Variants in PDSS2 observed in about 807,000 individuals in gnomAD.
PDSS2 encodes decaprenyl diphosphate synthase subunit 2, also known as all trans-polyprenyl-diphosphate synthase PDSS2.
Under a neutral mutation model 44.5 loss-of-function variants are expected in PDSS2, and 31 were observed. The observed-to-expected ratio is 0.70, with a 90% CI of 0.52 to 0.94. PDSS2 has a LOEUF of 0.94. Among genes scored for constraint, PDSS2 ranks in the 40% least tolerant of loss-of-function variants. PDSS2 has a pLI of 0.00. For synonymous variants in PDSS2, 157 were observed against 180.3 expected, an observed-to-expected ratio of 0.87 and a Z score of 1.03; for missense variants, 452 against 482.2, an observed-to-expected ratio of 0.94 and a Z score of 0.59.
chr6:107,322,927 C>G (rs185160221), intron 2 of PDSS2, among the ~76,000 whole-genome samples: 80 of 152,222 alleles, frequency 5.3e-4, no homozygotes, highest in South Asian at 6.2e-4. Flanking sequence ...GGGAGGATGC[C>G]AGGATTAGAG....
chr6:107,419,287 A>G (rs1189171086), intron 1 of PDSS2, among the ~76,000 whole-genome samples: 1 of 152,222 alleles, frequency 6.6e-6, no homozygotes, highest in East Asian at 1.9e-4. Context: ...GTGATAGTCT[A>G]TATTAGTTTA....
At chr6:107,285,956 A>C (rs1056556011) in intron 2 of PDSS2, among the ~76,000 whole-genome samples, 10 of 152,012 alleles carry the variant, frequency 6.6e-5, no homozygotes, top group Non-Finnish European at 1.3e-4. Context: ...CCTGACCAAC[A>C]TGGCAAAACC....
chr6:107,317,727 C>A (rs938985129), intron 2 of PDSS2, among the ~76,000 whole-genome samples: 1 of 152,160 alleles, frequency 6.6e-6, no homozygotes, highest in Admixed American at 6.5e-5. Flanking sequence ...ATGCAGATCA[C>A]CTTTTACCGT....
At chr6:107,299,602 A>T (rs1209507273) in intron 2 of PDSS2, among the ~76,000 whole-genome samples, 1 of 152,088 alleles carries the variant, frequency 6.6e-6, no homozygotes, top group Non-Finnish European at 1.5e-5. Context: ...CACCTCCTCC[A>T]TGCTGCTGTA....
chr6:107,191,616 A>AT (rs1248241163), intron 7 of PDSS2, among the ~76,000 whole-genome samples: 13 of 151,260 alleles, frequency 8.6e-5, no homozygotes, highest in East Asian at 1.9e-4. Flanking sequence ...AGACTCATCA[A>AT]TTTTTTTTTC....
intron 1 of PDSS2, among the ~76,000 whole-genome samples, chr6:107,412,388 G>C (rs868831930): frequency 6.6e-6 from 1 of 151,580 alleles, no homozygotes; most frequent in Non-Finnish European, 1.5e-5. Flanking sequence ...ACAGGCACCC[G>C]CCACCATGCC....
At chr6:107,326,069 A>C (rs1158191067) in intron 2 of PDSS2, among the ~76,000 whole-genome samples, 1 of 152,054 alleles carries the variant, frequency 6.6e-6, no homozygotes, top group Non-Finnish European at 1.5e-5. Flanking sequence ...AATACGGATA[A>C]AATACAATTA....
At chr6:107,400,939 C>G (rs1780088357) in intron 1 of PDSS2, among the ~76,000 whole-genome samples, 1 of 152,184 alleles carries the variant, frequency 6.6e-6, no homozygotes, top group Admixed American at 6.5e-5. Context: ...ATTGTGTCAG[C>G]AGATACTATA....
At chr6:107,203,193 C>T (rs1554253463) in intron 6 of PDSS2, among the ~76,000 whole-genome samples, 2 of 152,098 alleles carry the variant, frequency 1.3e-5, no homozygotes, top group Non-Finnish European at 2.9e-5. Flanking sequence ...TGTCAAGAAC[C>T]TAAGTTAAAC....
At chr6:107,321,285 G>A (rs913090466) in intron 2 of PDSS2, among the ~76,000 whole-genome samples, 4 of 152,182 alleles carry the variant, frequency 2.6e-5, no homozygotes, top group African/African-American at 9.7e-5. Context: ...GACGAGAAGT[G>A]CCTCAAAGGT....
At chr6:107,372,537 C>T (rs1439407302) in intron 1 of PDSS2, among the ~76,000 whole-genome samples, 6 of 152,172 alleles carry the variant, frequency 3.9e-5, no homozygotes, top group South Asian at 2.1e-4. Context: ...CTGCAAGCTC[C>T]GCCTCCCGGG....
intron 3 of PDSS2, among the ~76,000 whole-genome samples, chr6:107,255,770 T>C (rs2114853827): frequency 6.6e-6 from 1 of 152,314 alleles, no homozygotes; most frequent in Admixed American, 6.5e-5. Context: ...ACACAAGGTC[T>C]TCCAAATTTT....
At chr6:107,258,923 T>C (rs1466275657) in intron 3 of PDSS2, among the ~76,000 whole-genome samples, 2 of 152,236 alleles carry the variant, frequency 1.3e-5, no homozygotes, top group Non-Finnish European at 2.9e-5. Context: ...TGCAAAATTG[T>C]TGGCAAAAAT....
intron 6 of PDSS2, among the ~76,000 whole-genome samples, chr6:107,194,781 T>C (rs1223942553): frequency 6.6e-6 from 1 of 151,864 alleles, no homozygotes; most frequent in East Asian, 1.9e-4. Flanking sequence ...TGAAACCCCG[T>C]CTCTATTAAA....
At chr6:107,318,681 C>T (rs1372643354) in intron 2 of PDSS2, among the ~76,000 whole-genome samples, 5 of 152,038 alleles carry the variant, frequency 3.3e-5, no homozygotes, top group Admixed American at 6.6e-5. Flanking sequence ...CAAAAATTCC[C>T]ATTTAAATAT....
chr6:107,215,851 AT>A (rs1281978576), intron 4 of PDSS2, among the ~76,000 whole-genome samples: 1 of 152,172 alleles, frequency 6.6e-6, no homozygotes, highest in African/African-American at 2.4e-5. Flanking sequence ...AAAACTGGGA[AT>A]AAGGTCGGGA....
intron 1 of PDSS2, among the ~76,000 whole-genome samples, chr6:107,432,471 C>G (rs1310667853): frequency 6.6e-6 from 1 of 152,176 alleles, no homozygotes; most frequent in African/African-American, 2.4e-5. Context: ...TCACCTTAAG[C>G]ATTTCTTTGG....
At chr6:107,180,077 C>T (rs1771918873) in intron 7 of PDSS2, among the ~76,000 whole-genome samples, 1 of 152,184 alleles carries the variant, frequency 6.6e-6, no homozygotes, top group African/African-American at 2.4e-5. Context: ...GAAACCCATG[C>T]CTCTCCACTA....
At chr6:107,380,771 T>C (rs1779431275) in intron 1 of PDSS2, among the ~76,000 whole-genome samples, 1 of 152,196 alleles carries the variant, frequency 6.6e-6, no homozygotes, top group South Asian at 2.1e-4. Context: ...ACCTCAATTA[T>C]CTGATAAATC....
Sources: gnomAD v4.1 joint callset for allele counts (sites outside exome capture counted in the v4.1 genomes callset) on GRCh38, gnomAD v4.1.1 for gene constraint, MANE v1.5 for transcripts, NCBI Gene and HGNC (gene_info 2026-07-23, HGNC 2026-07-21) for gene names.